The following ABCG1 variants were observed in gnomAD, a reference collection of about 807,000 sequenced individuals.
The protein encoded by ABCG1 is ATP binding cassette subfamily G member 1, also known as ATP-binding cassette sub-family G member 1.
Under a neutral mutation model 69.2 loss-of-function variants are expected in ABCG1, and 29 were observed. The ratio of observed to expected loss-of-function variants is 0.42; its 90% CI spans 0.31 to 0.57. The LOEUF is 0.57. Ranked by LOEUF, ABCG1 falls within the 20% of genes least tolerant of loss-of-function variation. The probability of loss-of-function intolerance (pLI) is 0.15; values close to 1 mark genes in which losing one functional copy is unlikely to be tolerated. For missense variants in ABCG1, 718 were observed against 898.1 expected (o/e 0.80, Z 2.56); for synonymous variants, 370 against 374.8 (o/e 0.99, Z 0.15).
intron 2 of ABCG1, among the ~76,000 whole-genome samples, chr21:42,268,386 T>TGC (rs1411173636): frequency 3.5e-5 from 5 of 142,840 alleles, no homozygotes; most frequent in African/African-American, 1.1e-4. Context: ...TGTGTGTGTG[T>TGC]GTGCGCGCGC....
chr21:42,206,626 T>C (rs35447696), intron 2 of ABCG1, among the ~76,000 whole-genome samples: 7 of 152,168 alleles, frequency 4.6e-5, no homozygotes, highest in African/African-American at 1.4e-4. Context: ...CTGGATAATT[T>C]TAAAATTTTT....
rs2069165908 is a variant in ABCG1, at chr21:42,294,546, C to A, written c.1658C>A (p.Ala553Asp). 6.2e-7 allele frequency: 1 copy of A among 1,613,804 alleles called. No individual in the cohort carries two copies. Among genetic ancestry groups the A allele is most frequent in the African/African-American group, 1.3e-5 (1 of 74,922 alleles). Residue 553 changes from alanine (A) to aspartate (D), a missense_variant, in exon 14 of 15, where the codon GCC becomes GAC. Transcript: ENST00000398449. ...IGAASTSLQV[A>D]TFVGPVTAIP... The stretch of plus-strand genomic sequence containing the variant: ...CCTGTGTGCCCCCAACTCCAGGTGG[C>A]CACTTTCGTGGGCCCAGTGACAGCC...
intron 2 of ABCG1, among the ~76,000 whole-genome samples, chr21:42,269,829 G>C (rs2068583405): frequency 6.6e-6 from 1 of 152,194 alleles, no homozygotes; most frequent in African/African-American, 2.4e-5. Flanking sequence ...CTGGGGACCG[G>C]GAGAAAGTCT....
At chr21:42,237,820 C>T (rs993062992) in intron 2 of ABCG1, among the ~76,000 whole-genome samples, 5 of 152,174 alleles carry the variant, frequency 3.3e-5, no homozygotes, top group South Asian at 2.1e-4. Context: ...TTTCTTTGGC[C>T]GCACAGCACC....
At chr21:42,210,493 C>A (rs1339578655) in intron 2 of ABCG1, among the ~76,000 whole-genome samples, 1 of 152,136 alleles carries the variant, frequency 6.6e-6, no homozygotes, top group Admixed American at 6.5e-5. Flanking sequence ...CATCTTGGGG[C>A]CAGATGTTAT....
At chr21:42,224,826 T>G (rs1481976479) in intron 1 of ABCG1, among the ~76,000 whole-genome samples, 1 of 152,192 alleles carries the variant, frequency 6.6e-6, no homozygotes, top group African/African-American at 2.4e-5. Flanking sequence ...TTTGCATAGG[T>G]ACTTCTGGGT....
intron 2 of ABCG1, among the ~76,000 whole-genome samples, chr21:42,252,601 TA>T (rs2068240591): frequency 6.6e-6 from 1 of 152,102 alleles, no homozygotes; most frequent in South Asian, 2.1e-4. Flanking sequence ...GATTTTTCTT[TA>T]GCGGGGGTGA....
At chr21:42,279,198 GGA>G (rs1255534149) in intron 5 of ABCG1, among the ~76,000 whole-genome samples, 1 of 152,066 alleles carries the variant, frequency 6.6e-6, no homozygotes, top group Non-Finnish European at 1.5e-5. Flanking sequence ...GGGGCTCCAA[GGA>G]GAGACGGTGG....
intron 5 of ABCG1, 108 bp downstream of exon 5, chr21:42,277,053 T>A: frequency 8.0e-7 from 1 of 1,247,058 alleles, no homozygotes; most frequent in Non-Finnish European, 1.2e-6. Flanking sequence ...TGTTGATTTG[T>A]TTTTGCCTTG....
chr21:42,281,780 G>C (rs2068813450), intron 5 of ABCG1, among the ~76,000 whole-genome samples: 1 of 152,160 alleles, frequency 6.6e-6, no homozygotes, highest in South Asian at 2.1e-4. Flanking sequence ...ACTCCATGCT[G>C]CTCTGTGCAC....
At chr21:42,293,127 CACACACTACACACT>C (rs1316725760) in intron 13 of ABCG1, among the ~76,000 whole-genome samples, 7 of 136,112 alleles carry the variant, frequency 5.1e-5, no homozygotes, top group African/African-American at 1.7e-4. Flanking sequence ...CTACACACAC[CACACACTACACACT>C]ACACACCACA....
At chr21:42,294,210 C>T (rs765321244) in intron 13 of ABCG1, among the ~76,000 whole-genome samples, 1 of 152,218 alleles carries the variant, frequency 6.6e-6, no homozygotes, top group South Asian at 2.1e-4. Flanking sequence ...ACTTAGCCCC[C>T]CCGGGGACAG....
chr21:42,278,280 G>C (rs534854666), intron 5 of ABCG1, among the ~76,000 whole-genome samples: 2 of 152,024 alleles, frequency 1.3e-5, no homozygotes, highest in Non-Finnish European at 2.9e-5. Context: ...ACAATGTAAC[G>C]TAGACACCCC....
intron 2 of ABCG1, among the ~76,000 whole-genome samples, chr21:42,210,991 C>G (rs112772738): frequency 0.035 from 5,167 of 149,456 alleles, 320 homozygotes; most frequent in African/African-American, 0.12. Context: ...ACCAAGTCTC[C>G]CTCTGTTGCC....
chr21:42,213,000 A>T (rs1026130225), upstream of ABCG1, among the ~76,000 whole-genome samples: 7 of 152,218 alleles, frequency 4.6e-5, no homozygotes, highest in African/African-American at 1.7e-4. Context: ...GCCTAAAGAC[A>T]GAATTTATAG....
intron 2 of ABCG1, chr21:42,259,944 C>T (rs1017681022): frequency 2.1e-5 from 31 of 1,479,470 alleles, no homozygotes; most frequent in African/African-American, 7.1e-5. Flanking sequence ...GTGGGTTGGA[C>T]GGTGGTGTTG....
At chr21:42,212,498 C>T (rs749103239), upstream of ABCG1, among the ~76,000 whole-genome samples, 16 of 152,010 alleles carry the variant, frequency 1.1e-4, no homozygotes, top group African/African-American at 2.2e-4. Flanking sequence ...TTACTGGAAA[C>T]GGGAGGAAAG....
chr21:42,222,976 G>A (rs1235111606), intron 1 of ABCG1, among the ~76,000 whole-genome samples: 1 of 152,130 alleles, frequency 6.6e-6, no homozygotes, highest in Non-Finnish European at 1.5e-5. Flanking sequence ...CTGGCTCACA[G>A]CAGGAGACTC....
intron 13 of ABCG1, among the ~76,000 whole-genome samples, chr21:42,292,166 C>A (rs1268820808): frequency 1.3e-5 from 2 of 152,112 alleles, no homozygotes; most frequent in Admixed American, 1.3e-4. Flanking sequence ...ACCTCTGTGG[C>A]TTTAGGACGC....
Sources: gnomAD v4.1 joint callset for allele counts (sites outside exome capture counted in the v4.1 genomes callset) on GRCh38, gnomAD v4.1.1 for gene constraint, MANE v1.5 for transcripts, NCBI Gene and HGNC (gene_info 2026-07-23, HGNC 2026-07-21) for gene names.